The following PHLDB3 variants were observed in gnomAD, a reference collection of about 807,000 sequenced individuals.
The protein encoded by PHLDB3 is pleckstrin homology like domain family B member 3.
PHLDB3 carries 86 observed loss-of-function variants against 85.7 expected under a neutral mutation model. The ratio of observed to expected loss-of-function variants is 1.00; its 90% CI spans 0.84 to 1.20. The LOEUF (loss-of-function observed/expected upper bound fraction) is 1.20. Among genes scored for constraint, PHLDB3 ranks in the 50% most tolerant of loss-of-function variants. The probability of loss-of-function intolerance (pLI) is 0.00; values close to 1 mark genes in which losing one functional copy is unlikely to be tolerated. For missense variants in PHLDB3, 995 were observed against 873.0 expected (o/e 1.14, Z -1.76); for synonymous variants, 376 against 349.8 (o/e 1.07, Z -0.83).
chr19:43,479,128 G>T lies in PHLDB3; in HGVS notation c.1702+249C>A, dbSNP rs114889552. Reference sequence around the variant, plus strand: ...CTAAACTGTTATCTATGTCCCTGAGGAGGACTGGGGGTTTGAATTCTGGGT... The same window carrying T: ...CTAAACTGTTATCTATGTCCCTGAGTAGGACTGGGGGTTTGAATTCTGGGT... On this transcript the variant is annotated intron_variant, in intron 14 of 15. Transcript: ENST00000292140. Among the ~76,000 whole-genome samples the T allele has an allele frequency of 8.4e-3, 1,285 of 152,192 alleles. 11 individuals are homozygous for T. The highest frequency in any genetic ancestry group is 0.028 in the African/African-American group (1,152 of 41,506).
In PHLDB3 at chr19:43,497,846, G is replaced by C. The variant is rs766586256; in HGVS notation, c.565C>G (p.Arg189Gly). The C allele has an allele frequency of 6.3e-7, 1 of 1,581,284 alleles. No homozygotes were observed. The highest frequency in any genetic ancestry group is 1.2e-5 in the South Asian group (1 of 86,126). Residue 189 changes from arginine (R) to glycine (G), a missense_variant, in exon 5 of 16, where the codon CGC becomes GGC. Arg to Gly is a moderately radical substitution (Grantham distance 125, BLOSUM62 -2). Coordinates refer to ENST00000292140, the MANE Select transcript of PHLDB3 (RefSeq NM_198850.4). The stretch of plus-strand genomic sequence containing the variant: ...AGTCTCTGGCGAAGACCCTCTAGGC[G>C]ATCCCGTTCCTGGCTCAGCCGCCTC... Reference protein sequence around the residue: ...EQRRLSQERDRLEGLRQRLRK... With the variant: ...EQRRLSQERDGLEGLRQRLRK...
At chr19:43,476,899 C>T (rs900547306) in intron 15 of PHLDB3, among the ~76,000 whole-genome samples, 1 of 152,058 alleles carries the variant, frequency 6.6e-6, no homozygotes, top group African/African-American at 2.4e-5. Context: ...CACCATGGGA[C>T]CCACTCCCAC....
Position 43,494,691 on chromosome 19 carries a change from G to T in PHLDB3, c.1149+11C>A, listed in dbSNP as rs749094974. 6 of 1,596,386 alleles carry T rather than the reference G, an allele frequency of 3.8e-6. No individual in the cohort carries two copies. The highest frequency in any genetic ancestry group is 5.1e-6 in the Non-Finnish European group (6 of 1,167,260). ...AGATATATGGGGAAACAGAGGCCGT[G>T]GGGGAGGCACCTGCAGGGAGCTGTG... On this transcript the variant is annotated intron_variant, in intron 9 of 15. Coordinates refer to ENST00000292140, the MANE Select transcript of PHLDB3 (RefSeq NM_198850.4).
intron 9 of PHLDB3, among the ~76,000 whole-genome samples, chr19:43,488,210 C>G (rs1971229914): frequency 6.6e-6 from 1 of 151,656 alleles, no homozygotes; most frequent in African/African-American, 2.4e-5. Context: ...ATAATGCCAG[C>G]ACTTTGAGGC....
chr19:43,475,131 G>A lies in PHLDB3; in HGVS notation c.*279C>T. ...CTGTTTTTCCTCCGTATTTAATTCG[G>A]TATCACAGGAGCACCAATAAATAGT... On this transcript the variant is annotated 3_prime_UTR_variant, in exon 16 of 16. Coordinates refer to ENST00000292140, the MANE Select transcript of PHLDB3 (RefSeq NM_198850.4). 1 of 340,284 alleles carries A rather than the reference G, an allele frequency of 2.9e-6. No individual in the cohort carries two copies. The highest frequency in any genetic ancestry group is 5.5e-6 in the Non-Finnish European group (1 of 183,168). The allele number at this position is 340,284 out of a possible 1,614,324, so 21.1% of individuals were successfully genotyped here. A position where few individuals can be genotyped will look rare whatever the true frequency, so the allele number is the denominator to read the frequency against.
In PHLDB3 at chr19:43,479,557, T is replaced by G. The variant is rs1303753698; in HGVS notation, c.1522A>C (p.Ile508Leu). The change falls in exon 14 of 16, where the codon ATC becomes CTC. Residue 508 changes from isoleucine to leucine, a missense_variant. Coordinates refer to ENST00000292140, the MANE Select transcript of PHLDB3 (RefSeq NM_198850.4). Reference protein sequence around the residue: ...PTPPHPPGPRILDLRQHLEGW... With the variant: ...PTPPHPPGPRLLDLRQHLEGW... ...TCCAGATGCTGCCGGAGATCCAAGATTCGCGGGCCTGGAGGGTGGGGTGGG... is the reference window on the plus strand; with the variant it reads ...TCCAGATGCTGCCGGAGATCCAAGAGTCGCGGGCCTGGAGGGTGGGGTGGG... The G allele has an allele frequency of 3.3e-6, 4 of 1,205,892 alleles. No homozygotes were observed. Among genetic ancestry groups the G allele is most frequent in the Non-Finnish European group, 4.4e-6 (4 of 902,586 alleles). 74.7% of individuals were successfully genotyped at this position (1,205,892 alleles called of 1,614,324 possible).
Position 43,495,633 on chromosome 19 carries a change from C to T in PHLDB3, c.826-13G>A. On this transcript the variant is annotated splice_polypyrimidine_tract_variant and intron_variant, in intron 6 of 15. Coordinates refer to ENST00000292140, the MANE Select transcript of PHLDB3 (RefSeq NM_198850.4). ...GCAGAGCACCCCTCTGTCCCGGTTA[C>T]TCATCTGTCACGGCCCCAGCCAGCT... 2 of 1,603,688 alleles carry T rather than the reference C, an allele frequency of 1.2e-6. No individual in the cohort carries two copies. Among genetic ancestry groups the T allele is most frequent in the Non-Finnish European group, 1.7e-6 (2 of 1,175,454 alleles).
intron 14 of PHLDB3, 106 bp downstream of exon 14, chr19:43,479,248 AGGGAACCAAACTTCTGGATCCTG>A: frequency 1.1e-6 from 1 of 918,552 alleles, no homozygotes; most frequent in Non-Finnish European, 1.6e-6. Context: ...GTTAGGAGCT[AGGGAACCAAACTTCTGGATCCTG>A]GGGAACATGG....
At chr19:43,502,437 CTTTTCT>C (rs1971632014) in intron 2 of PHLDB3, among the ~76,000 whole-genome samples, 154 bp from the exon 3 acceptor site, 1 of 148,184 alleles carries the variant, frequency 6.7e-6, no homozygotes, top group Non-Finnish European at 1.5e-5. Context: ...GTCGCAGGCT[CTTTTCT>C]TTTTCTTTCT....
chr19:43,501,876 G>C lies in PHLDB3; in HGVS notation c.397-5C>G. The C allele has an allele frequency of 2.5e-6, 4 of 1,589,052 alleles. No homozygotes were observed. The highest frequency in any genetic ancestry group is 3.4e-6 in the Non-Finnish European group (4 of 1,167,978). ...CAAGGCCACCTCCACCTCCATCTGC[G>C]GAGAGAATGCCAGGGCTGGGGGCTC... is the stretch of plus-strand genomic sequence containing the variant. On this transcript the variant is annotated splice_region_variant and splice_polypyrimidine_tract_variant and intron_variant, in intron 3 of 15. Coordinates refer to ENST00000292140, the MANE Select transcript of PHLDB3 (RefSeq NM_198850.4).
At position 43,495,592 on chromosome 19, in the gene PHLDB3, AC is replaced by A. The variant is rs575267481; in HGVS notation, c.853del (p.Val285SerfsTer20). ...RRGALQHRIRVLEEQLKSLGE... is the reference protein window; with the variant it reads ...RRGALQHRIRXLEEQLKSLGE... ...CAGTGACTTGAGCTGCTCTTCCAGG[AC>A]CCGGATCCGGTGCTGCAGAGCACCC... On this transcript the variant is annotated frameshift_variant, in exon 7 of 16. Transcript: ENST00000292140. LOFTEE classifies it high-confidence loss of function. The A allele has an allele frequency of 2.2e-4, 350 of 1,610,166 alleles. 5 individuals are homozygous for A. In the South Asian group the frequency reaches 3.5e-3, roughly 16 times the overall value.
chr19:43,475,309 G>C lies in PHLDB3; in HGVS notation c.*101C>G. ...GAATTCCCGGGAGAGTTCCAAAGCG[G>C]TGCGTCCAAGTTTTCCGGCAGTGGG... is the stretch of plus-strand genomic sequence containing the variant. On this transcript the variant is annotated 3_prime_UTR_variant, in exon 16 of 16. Coordinates refer to ENST00000292140, the MANE Select transcript of PHLDB3 (RefSeq NM_198850.4). 3 of 1,461,564 alleles carry C rather than the reference G, an allele frequency of 2.1e-6. No individual in the cohort carries two copies. The highest frequency in any genetic ancestry group is 2.8e-6 in the Non-Finnish European group (3 of 1,081,576). The allele number at this position is 1,461,564 out of a possible 1,614,324, so 90.5% of individuals were successfully genotyped here. A position where few individuals can be genotyped will look rare whatever the true frequency, so the allele number is the denominator to read the frequency against.
In PHLDB3 at chr19:43,475,499, G is replaced by A. The variant is rs966854198; in HGVS notation, c.1834C>T (p.Leu612Phe). 1 of 1,613,978 alleles carries A rather than the reference G, an allele frequency of 6.2e-7. No individual in the cohort carries two copies. The highest frequency in any genetic ancestry group is 2.2e-5 in the East Asian group (1 of 44,852). The change falls in exon 16 of 16, where the codon CTT (leucine) becomes TTT (phenylalanine). Residue 612 changes from leucine to phenylalanine, a missense_variant. Leu to Phe is a conservative substitution (Grantham distance 22, BLOSUM62 0). Coordinates refer to ENST00000292140, the MANE Select transcript of PHLDB3 (RefSeq NM_198850.4). ...LTFCVKTYER[L>F]FYMVAPSPEA... is the part of the protein sequence containing the mutation. ...GGGCTCGGAGCCACCATGTAGAAAA[G>A]GCGTTCGTAGGTTTTGACGCAGAAG...
chr19:43,504,425 T>G, intron 1 of PHLDB3, 164 bp downstream of exon 1: 2 of 493,384 alleles, frequency 4.1e-6, no homozygotes, highest in Non-Finnish European at 7.2e-6. Flanking sequence ...GTGTCAGGCC[T>G]TGTACCCTCC....
At chr19:43,487,796 G>A (rs1971215987) in intron 9 of PHLDB3, among the ~76,000 whole-genome samples, 1 of 151,942 alleles carries the variant, frequency 6.6e-6, no homozygotes, top group Admixed American at 6.6e-5. Flanking sequence ...ACACAGAACT[G>A]TACATTTTAA....
intron 9 of PHLDB3, among the ~76,000 whole-genome samples, chr19:43,489,057 C>T (rs1320824965): frequency 1.3e-5 from 2 of 152,106 alleles, no homozygotes; most frequent in Non-Finnish European, 2.9e-5. Context: ...GCCTCGGCCT[C>T]CCAAAGTGCT....
chr19:43,496,871 G>T, intron 6 of PHLDB3: 1 of 447,764 alleles, frequency 2.2e-6, no homozygotes. Context: ...TATTTATAAC[G>T]TGAAAAAAAA....
intron 9 of PHLDB3, among the ~76,000 whole-genome samples, chr19:43,493,873 G>T (rs1971378853): frequency 6.6e-6 from 1 of 152,130 alleles, no homozygotes; most frequent in Admixed American, 6.6e-5. Flanking sequence ...GGGACCAGAA[G>T]GGTTTCAGAT....
chr19:43,495,683 C>T (rs2145935640), intron 6 of PHLDB3, 63 bp from the exon 7 acceptor site: 1 of 1,546,816 alleles, frequency 6.5e-7, no homozygotes, highest in East Asian at 2.4e-5. Context: ...CCCACAGAAC[C>T]ACATCTGCCT....
Sources: gnomAD v4.1 joint callset for allele counts (sites outside exome capture counted in the v4.1 genomes callset) on GRCh38, gnomAD v4.1.1 for gene constraint, MANE v1.5 for transcripts, NCBI Gene and HGNC (gene_info 2026-07-23, HGNC 2026-07-21) for gene names.